The following LIN52 variants were observed in gnomAD, a reference collection of about 807,000 sequenced individuals.
The protein encoded by LIN52 is protein lin-52 homolog.
Under a neutral mutation model 18.5 loss-of-function variants are expected in LIN52, and 4 were observed. The ratio of observed to expected loss-of-function variants is 0.22; its 90% CI spans 0.11 to 0.49. The LOEUF (loss-of-function observed/expected upper bound fraction) is 0.49. Ranked by LOEUF, LIN52 falls within the 20% of genes least tolerant of loss-of-function variation. LIN52 has a pLI of 0.97. For synonymous variants in LIN52, 34 were observed against 45.5 expected, an observed-to-expected ratio of 0.75 and a Z score of 1.02; for missense variants, 102 against 139.5, an observed-to-expected ratio of 0.73 and a Z score of 1.35.
At chr14:74,165,269 G>A (rs1013578060) in intron 5 of LIN52, among the ~76,000 whole-genome samples, 2 of 147,088 alleles carry the variant, frequency 1.4e-5, no homozygotes, top group Admixed American at 6.6e-5. Context: ...AGGTGGGAAG[G>A]GGGAAAAAAA....
intron 5 of LIN52, among the ~76,000 whole-genome samples, chr14:74,138,005 T>G (rs1262303469): frequency 2.0e-5 from 3 of 152,232 alleles, no homozygotes; most frequent in Admixed American, 1.3e-4. Flanking sequence ...CAATAACTAC[T>G]CTATTCCACA....
chr14:74,190,657 G>A (rs1214623463), intron 5 of LIN52, among the ~76,000 whole-genome samples: 1 of 152,074 alleles, frequency 6.6e-6, no homozygotes, highest in Non-Finnish European at 1.5e-5. Flanking sequence ...CTCCCAAAGT[G>A]CTGGGATTAT....
At chr14:74,135,968 A>G (rs1351264910) in intron 5 of LIN52, among the ~76,000 whole-genome samples, 1 of 152,192 alleles carries the variant, frequency 6.6e-6, no homozygotes, top group African/African-American at 2.4e-5. Context: ...TATCTAAACT[A>G]TTGAGATAGT....
At chr14:74,111,679 C>T (rs2060929396) in intron 5 of LIN52, among the ~76,000 whole-genome samples, 2 of 150,976 alleles carry the variant, frequency 1.3e-5, no homozygotes, top group South Asian at 4.2e-4. Flanking sequence ...AATTATTTGT[C>T]TGGCTTCCCT....
At chr14:74,117,080 C>G (rs2060969895) in intron 5 of LIN52, among the ~76,000 whole-genome samples, 1 of 152,102 alleles carries the variant, frequency 6.6e-6, no homozygotes, top group Admixed American at 6.5e-5. Context: ...AATTTTTGAG[C>G]TCTTCTGTGG....
intron 4 of LIN52, among the ~76,000 whole-genome samples, chr14:74,098,515 CAA>C (rs949641485): frequency 3.3e-5 from 4 of 121,182 alleles, no homozygotes; most frequent in African/African-American, 3.0e-5. Flanking sequence ...GACTCTATCT[CAA>C]AAAAAAAAAA....
At chr14:74,140,754 G>A (rs189826732) in intron 5 of LIN52, among the ~76,000 whole-genome samples, 154 of 152,308 alleles carry the variant, frequency 1.0e-3, no homozygotes, top group African/African-American at 3.5e-3. Flanking sequence ...ATCATCACAA[G>A]CTGCCTTCCT....
rs1041650893 is a variant in LIN52 at position 74,097,863 on chromosome 14, A to G, written c.199+3A>G. On this transcript the variant is annotated splice_donor_region_variant and intron_variant, in intron 4 of 5. Transcript: ENST00000555028. ...TGATGACATCGACATGTTGAAAGGTAAGTGATGCTAGTTACCACTTTTAAC... is the reference window on the plus strand; with the variant it reads ...TGATGACATCGACATGTTGAAAGGTGAGTGATGCTAGTTACCACTTTTAAC... The G allele has an allele frequency of 1.9e-6, 3 of 1,607,880 alleles. No homozygotes were observed. Among genetic ancestry groups the G allele is most frequent in the East Asian group, 2.2e-5 (1 of 44,834 alleles).
intron 5 of LIN52, among the ~76,000 whole-genome samples, chr14:74,135,211 CG>C (rs1179732624): frequency 6.6e-6 from 1 of 152,092 alleles, no homozygotes; most frequent in African/African-American, 2.4e-5. Context: ...CCTACAGTCG[CG>C]TACCACCACG....
At chr14:74,101,682 G>C (rs867684341) in intron 5 of LIN52, among the ~76,000 whole-genome samples, 42 of 151,756 alleles carry the variant, frequency 2.8e-4, no homozygotes, top group African/African-American at 9.2e-4. Flanking sequence ...GGATGGTCTC[G>C]ATCTCCTGAC....
chr14:74,144,235 G>T (rs934452321), intron 5 of LIN52, among the ~76,000 whole-genome samples: 1 of 151,240 alleles, frequency 6.6e-6, no homozygotes, highest in Non-Finnish European at 1.5e-5. Flanking sequence ...AGATCCTTCC[G>T]CCTCAGCCTC....
At chr14:74,119,992 C>A (rs377023288) in intron 5 of LIN52, among the ~76,000 whole-genome samples, 1 of 152,030 alleles carries the variant, frequency 6.6e-6, no homozygotes, top group South Asian at 2.1e-4. Context: ...CACGCTACCA[C>A]GTGTGCCTAA....
At chr14:74,188,730 G>A (rs2061350740) in intron 5 of LIN52, among the ~76,000 whole-genome samples, 1 of 152,166 alleles carries the variant, frequency 6.6e-6, no homozygotes, top group Non-Finnish European at 1.5e-5. Context: ...CGAATAGACA[G>A]GAGTGAGAGA....
intron 5 of LIN52, among the ~76,000 whole-genome samples, chr14:74,143,899 C>G (rs76468658): frequency 6.6e-6 from 1 of 152,156 alleles, no homozygotes; most frequent in Middle Eastern, 3.4e-3. Flanking sequence ...TAATTTTGTG[C>G]CTGTTGACCA....
In LIN52 at chr14:74,101,143, A is replaced by G; in HGVS notation, c.200-12A>G. 6.2e-7 allele frequency: 1 copy of G among 1,606,362 alleles called. No individual in the cohort carries two copies. ...GAAAGAAATGATGTTGAAATAAATG[A>G]TTCTGTTTCAGAACTGGGGAGTCTC... On this transcript the variant is annotated splice_polypyrimidine_tract_variant and intron_variant, in intron 4 of 5. Transcript: ENST00000555028.
At chr14:74,091,086 A>G (rs535420165) in intron 1 of LIN52, 146 bp from the exon 2 acceptor site, 5 of 522,696 alleles carry the variant, frequency 9.6e-6, no homozygotes, top group Middle Eastern at 4.4e-4. Flanking sequence ...TTTGTATTCT[A>G]TCACGGACCA....
chr14:74,188,190 A>C (rs1277895162), intron 5 of LIN52, among the ~76,000 whole-genome samples: 1 of 152,150 alleles, frequency 6.6e-6, no homozygotes, highest in Non-Finnish European at 1.5e-5. Flanking sequence ...TAATTTTACA[A>C]ACAAGGCCAC....
At position 74,163,814 on chromosome 14, in the gene LIN52, G is replaced by A. The variant is rs192432620; in HGVS notation, c.284-35108G>A. On this transcript the variant is annotated intron_variant, in intron 5 of 5. Transcript: ENST00000555028. ...CTGAAGATTGGTGGTACAGGTGAAG[G>A]AGGAGATGGCTTAAATAAGGAGGAT... 5.5e-3 allele frequency among the ~76,000 whole-genome samples: 838 copies of A among 152,264 alleles called. 8 individuals carry two copies. The highest frequency in any genetic ancestry group is 0.011 in the South Asian group (51 of 4,822).
At chr14:74,099,255 T>C (rs1316540447) in intron 4 of LIN52, among the ~76,000 whole-genome samples, 2 of 151,912 alleles carry the variant, frequency 1.3e-5, no homozygotes, top group African/African-American at 4.8e-5. Flanking sequence ...GTGTAGATAA[T>C]GACTGTGGCA....
Sources: gnomAD v4.1 joint callset for allele counts (sites outside exome capture counted in the v4.1 genomes callset) on GRCh38, gnomAD v4.1.1 for gene constraint, MANE v1.5 for transcripts, NCBI Gene and HGNC (gene_info 2026-07-23, HGNC 2026-07-21) for gene names.